CCDC33: variants seen among roughly 807,000 people sequenced by gnomAD.
The protein encoded by CCDC33 is coiled-coil domain containing 33.
Under a neutral mutation model 91.9 loss-of-function variants are expected in CCDC33, and 94 were observed. That is an observed-to-expected ratio of 1.02 (90% confidence interval 0.87 to 1.21). The LOEUF (loss-of-function observed/expected upper bound fraction) is 1.21, where lower values mean the gene tolerates loss of function less well. CCDC33 is among the 50% of genes most tolerant of loss of function. CCDC33 has a pLI of 0.00. For synonymous variants in CCDC33, 396 were observed against 374.5 expected, an observed-to-expected ratio of 1.06 and a Z score of -0.66; for missense variants, 940 against 935.5, an observed-to-expected ratio of 1.00 and a Z score of -0.06.
At position 74,269,703 on chromosome 15, in the gene CCDC33, G is replaced by A. The variant is rs113093181; in HGVS notation, c.546+1245G>A. On this transcript the variant is annotated intron_variant, in intron 5 of 18. Transcript: ENST00000398814. Reference sequence around the variant, plus strand: ...CCAGCCCTCTGACTTGCCTGGTAGAGCGGTAGAGTAGGGGCCTTCTCTGGC... The same window carrying A: ...CCAGCCCTCTGACTTGCCTGGTAGAACGGTAGAGTAGGGGCCTTCTCTGGC... 1.0e-3 allele frequency among the ~76,000 whole-genome samples: 156 copies of A among 150,336 alleles called. 1 individual carries two copies. The highest frequency in any genetic ancestry group is 1.9e-3 in the Non-Finnish European group (128 of 67,552).
chr15:74,232,872 A>G (rs2075026289), upstream of CCDC33, among the ~76,000 whole-genome samples: 1 of 152,062 alleles, frequency 6.6e-6, no homozygotes, highest in African/African-American at 2.4e-5. Flanking sequence ...CAGAGAAGTG[A>G]GAAATGGCCA....
intron 7 of CCDC33, 103 bp downstream of exon 7, chr15:74,272,994 A>C: frequency 6.9e-7 from 1 of 1,454,524 alleles, no homozygotes; most frequent in Non-Finnish European, 9.5e-7. Flanking sequence ...CTATCGAGTA[A>C]GAGTTGACTG....
intron 1 of CCDC33, among the ~76,000 whole-genome samples, chr15:74,206,963 G>A (rs1446949720): frequency 2.0e-5 from 3 of 152,204 alleles, no homozygotes; most frequent in Admixed American, 6.5e-5. Flanking sequence ...CACTATGGGA[G>A]GAGGTCCTAA....
intron 8 of CCDC33, among the ~76,000 whole-genome samples, 158 bp from the exon 9 acceptor site, chr15:74,280,510 C>T (rs1411800243): frequency 2.0e-5 from 3 of 152,142 alleles, no homozygotes; most frequent in Admixed American, 2.0e-4. Context: ...GCTTTGAGTT[C>T]ACAAAGCCCT....
intron 10 of CCDC33, 142 bp downstream of exon 10, chr15:74,281,991 T>G: frequency 4.4e-6 from 3 of 679,440 alleles, no homozygotes; most frequent in Middle Eastern, 2.7e-4. Flanking sequence ...AAGGGTGATT[T>G]GAGACTCCAG....
At chr15:74,255,075 A>C in intron 2 of CCDC33, among the ~76,000 whole-genome samples, 2 of 139,400 alleles carry the variant, frequency 1.4e-5, no homozygotes, top group African/African-American at 5.3e-5. Context: ...ATCCCCCCTC[A>C]CCTAGGCATC....
chr15:74,285,018 C>T (rs1299070120), intron 10 of CCDC33, among the ~76,000 whole-genome samples: 4 of 152,268 alleles, frequency 2.6e-5, no homozygotes, highest in East Asian at 1.9e-4. Context: ...CTCCAGCTGC[C>T]GAGGCTTGTG....
intron 11 of CCDC33, among the ~76,000 whole-genome samples, chr15:74,328,550 C>T (rs2060358068): frequency 6.6e-6 from 1 of 152,212 alleles, no homozygotes; most frequent in Admixed American, 6.5e-5. Context: ...ACAATGCTGT[C>T]CGAGGACACC....
upstream of CCDC33, among the ~76,000 whole-genome samples, chr15:74,233,432 C>T (rs1055043799): frequency 6.6e-6 from 1 of 152,246 alleles, no homozygotes. Flanking sequence ...TCTGAATCCA[C>T]CGGCTGCTGG....
rs533112145 is a variant in CCDC33 at position 74,312,234 on chromosome 15, C to T, written c.1290+16286C>T. On this transcript the variant is annotated intron_variant, in intron 11 of 18. Coordinates refer to ENST00000398814, the MANE Select transcript of CCDC33 (RefSeq NM_025055.5). ...CTTGCCTAGAGGCTGAGCCTCTGCT[C>T]GTTCCTCGGAGCCACGTGGTCCTGA... Among the ~76,000 whole-genome samples, 12 of 152,346 alleles carry T rather than the reference C, an allele frequency of 7.9e-5. No individual in the cohort carries two copies. The South Asian group carries it at 1.4e-3, about 18-fold the overall frequency.
At chr15:74,213,510 G>A (rs1157758119), upstream of CCDC33, 1 of 152,250 alleles carries the variant, frequency 6.6e-6, no homozygotes, top group African/African-American at 2.4e-5. Context: ...TTGTTCTGAA[G>A]GCTCCTGTGT....
intron 1 of CCDC33, among the ~76,000 whole-genome samples, chr15:74,241,405 G>C (rs746091062): frequency 2.6e-5 from 4 of 152,224 alleles, no homozygotes; most frequent in Non-Finnish European, 1.5e-5. Context: ...GTGGAGCAGA[G>C]GAAACAGCTA....
rs543055781 is a variant in CCDC33 at position 74,224,231 on chromosome 15, C to A, written c.675+5370C>A. ...CCCACTTCACCCCTGCACCTCCCAC[C>A]CTGTCAGGGAGAGAGGCCAGGGGCT... is the stretch of plus-strand genomic sequence containing the variant. On this transcript the variant is annotated intron_variant, in intron 2 of 2. Coordinates refer to the CCDC33 transcript ENST00000635913. Among the ~76,000 whole-genome samples, 5 of 152,258 alleles carry A rather than the reference C, an allele frequency of 3.3e-5. No homozygotes were observed. In the South Asian group the frequency reaches 1.0e-3, roughly 32 times the overall value.
intron 2 of CCDC33, among the ~76,000 whole-genome samples, chr15:74,258,772 T>C (rs428161): frequency 0.054 from 8,176 of 152,240 alleles, 309 homozygotes; most frequent in African/African-American, 0.1. Context: ...CCGATGCTCA[T>C]TTCTTCCACT....
intron 2 of CCDC33, chr15:74,221,281 A>G: frequency 1.3e-6 from 1 of 742,428 alleles, no homozygotes; most frequent in Non-Finnish European, 1.6e-6. Flanking sequence ...GCAGTGGAGC[A>G]GGGGCAGGAG....
chr15:74,224,007 C>A (rs1159987281), intron 2 of CCDC33, among the ~76,000 whole-genome samples: 12 of 152,136 alleles, frequency 7.9e-5, no homozygotes, highest in Admixed American at 7.9e-4. Context: ...GGCAGCTGAG[C>A]CCCGTTAAAA....
chr15:74,247,145 CAA>C (rs60850915), intron 2 of CCDC33, among the ~76,000 whole-genome samples: 3 of 139,732 alleles, frequency 2.1e-5, no homozygotes, highest in Admixed American at 7.3e-5. Flanking sequence ...ACTCCCATCT[CAA>C]AAAAAAAAAG....
chr15:74,294,761 G>GA (rs1426379193), intron 10 of CCDC33, among the ~76,000 whole-genome samples: 12 of 135,700 alleles, frequency 8.8e-5, no homozygotes, highest in African/African-American at 7.6e-5. Flanking sequence ...AAAAAAAAAA[G>GA]AAAAAAAAAT....
At chr15:74,225,694 G>T (rs1012569039) in intron 2 of CCDC33, among the ~76,000 whole-genome samples, 2 of 152,184 alleles carry the variant, frequency 1.3e-5, no homozygotes, top group African/African-American at 2.4e-5. Flanking sequence ...AGGTGAGAAA[G>T]GGACTTGGGG....
Sources: allele counts gnomAD v4.1 joint callset (sites outside exome capture counted in the v4.1 genomes callset), GRCh38; gene constraint gnomAD v4.1.1; transcripts MANE v1.5; gene names NCBI Gene and HGNC (gene_info 2026-07-23, HGNC 2026-07-21).